The following ATXN1 variants were observed in gnomAD, a reference collection of about 807,000 sequenced individuals.
The protein encoded by ATXN1 is ataxin 1, also known as ataxin-1.
Under a neutral mutation model 56.4 loss-of-function variants are expected in ATXN1, and 8 were observed. The observed-to-expected ratio is 0.14, with a 90% confidence interval of 0.08 to 0.26. The LOEUF is 0.26. Ranked by LOEUF, ATXN1 falls within the 10% of genes least tolerant of loss-of-function variation. ATXN1 has a pLI of 1.00. For missense variants in ATXN1, 987 were observed against 1,106.5 expected, an observed-to-expected ratio of 0.89 and a Z score of 1.53; for synonymous variants, 514 against 494.6, an observed-to-expected ratio of 1.04 and a Z score of -0.52.
At chr6:16,729,759 T>C (rs1192669984) in intron 2 of ATXN1, among the ~76,000 whole-genome samples, 3 of 152,182 alleles carry the variant, frequency 2.0e-5, no homozygotes, top group Non-Finnish European at 2.9e-5. Flanking sequence ...TAATTATCTA[T>C]TGCAACGGTT....
At chr6:16,457,327 A>G (rs1581776305) in intron 6 of ATXN1, among the ~76,000 whole-genome samples, 2 of 151,892 alleles carry the variant, frequency 1.3e-5, no homozygotes, top group Admixed American at 6.6e-5. Context: ...TTTGGTGAGC[A>G]CAGCTATTCC....
intron 6 of ATXN1, among the ~76,000 whole-genome samples, chr6:16,333,753 G>T (rs1232101157): frequency 6.6e-6 from 1 of 152,192 alleles, no homozygotes; most frequent in Non-Finnish European, 1.5e-5. Flanking sequence ...GAGGACAGAG[G>T]TTACTTGGGC....
At chr6:16,612,195 G>T (rs946633564) in intron 3 of ATXN1, among the ~76,000 whole-genome samples, 3 of 152,030 alleles carry the variant, frequency 2.0e-5, no homozygotes, top group Admixed American at 6.6e-5. Context: ...AGAGAAGTAG[G>T]ATAAAATCAT....
chr6:16,690,218 G>T (rs1246763465), intron 2 of ATXN1, among the ~76,000 whole-genome samples: 1 of 152,026 alleles, frequency 6.6e-6, no homozygotes, highest in African/African-American at 2.4e-5. Context: ...ATCCAGTTGA[G>T]GTTTTTTAAA....
rs879854928 is a variant in ATXN1 at position 16,468,898 on chromosome 6, G to GA, written c.-161+17073dup. The stretch of plus-strand genomic sequence containing the variant: ...TCGATGCTTCTTCTGAATAGAAGCA[G>GA]AAAAAAAAAAAAGGTAGGACTGTGA... On this transcript the variant is annotated intron_variant, in intron 6 of 7. Transcript: ENST00000436367. 9.9e-4 allele frequency among the ~76,000 whole-genome samples: 138 copies of GA among 139,150 alleles called. No homozygotes were observed. The Middle Eastern group carries it at 0.011, about 11-fold the overall frequency. 91.3% of individuals were successfully genotyped at this position (139,150 alleles called of 152,430 possible).
At position 16,430,706 on chromosome 6, in the gene ATXN1, GGTGT is replaced by G. The variant is rs554132123; in HGVS notation, c.-161+55262_-161+55265del. 2.6e-3 allele frequency among the ~76,000 whole-genome samples: 388 copies of G among 149,574 alleles called. 2 individuals carry two copies. Among genetic ancestry groups the G allele is most frequent in the African/African-American group, 9.0e-3 (366 of 40,852 alleles). On this transcript the variant is annotated intron_variant, in intron 6 of 7. Transcript: ENST00000436367. ...TAGGGGTGCAGTGGCTGGTGCTGCTGGTGTGTGTGTGTGTGTGCGCGTGTGTGTG... is the reference window on the plus strand; with the variant it reads ...TAGGGGTGCAGTGGCTGGTGCTGCTGGTGTGTGTGTGTGCGCGTGTGTGTG...
intron 3 of ATXN1, among the ~76,000 whole-genome samples, chr6:16,626,054 T>C (rs944428683): frequency 2.0e-5 from 3 of 152,192 alleles, no homozygotes; most frequent in Non-Finnish European, 2.9e-5. Flanking sequence ...CCTTTCCTGA[T>C]AGACTGCAAC....
At chr6:16,488,501 C>T (rs1760595541) in intron 5 of ATXN1, among the ~76,000 whole-genome samples, 1 of 152,134 alleles carries the variant, frequency 6.6e-6, no homozygotes, top group South Asian at 2.1e-4. Flanking sequence ...CCACATGAGC[C>T]GCAAGCAAGG....
chr6:16,759,528 C>CCGTTTTTTT (rs1561842989), intron 1 of ATXN1, among the ~76,000 whole-genome samples: 1 of 64,472 alleles, frequency 1.6e-5, no homozygotes. Context: ...CTTCTTCCGA[C>CCGTTTTTTT]TGTTTTTTTT....
chr6:16,394,485 A>G (rs976851919), intron 6 of ATXN1, among the ~76,000 whole-genome samples: 6 of 152,156 alleles, frequency 3.9e-5, no homozygotes, highest in African/African-American at 1.4e-4. Flanking sequence ...CAATACATGT[A>G]TATATTGTGT....
At chr6:16,651,842 T>C (rs752020710) in intron 3 of ATXN1, 3 of 152,236 alleles carry the variant, frequency 2.0e-5, no homozygotes, top group African/African-American at 4.8e-5. Flanking sequence ...AGGGAAAGCA[T>C]GTGCGGTAAC....
chr6:16,362,413 T>G (rs987950339), intron 6 of ATXN1, among the ~76,000 whole-genome samples: 6 of 152,212 alleles, frequency 3.9e-5, no homozygotes, highest in Non-Finnish European at 5.9e-5. Flanking sequence ...TGTCGGCTTC[T>G]GAGCACTGTC....
intron 4 of ATXN1, among the ~76,000 whole-genome samples, chr6:16,562,483 G>GAGGAA (rs1204370764): frequency 1.2e-5 from 1 of 83,056 alleles, no homozygotes; most frequent in African/African-American, 3.2e-5. Flanking sequence ...GAGGAGAGGA[G>GAGGAA]AGGAAAGGAA....
In ATXN1 at chr6:16,306,296, G is replaced by C. The variant is rs775907686; in HGVS notation, c.*33C>G. The C allele has an allele frequency of 1.1e-5, 17 of 1,564,702 alleles. No homozygotes were observed. The East Asian group carries it at 3.8e-4, about 35-fold the overall frequency. ...CAGTAATCTGGATACAAATGATAAG[G>C]GAGAGCCACGTTTCCTTTCCCCCAC... On this transcript the variant is annotated 3_prime_UTR_variant, in exon 8 of 8. Transcript: ENST00000436367. The surrounding 1 kb of genome is among the most constrained non-coding windows in gnomAD (Gnocchi z 5.2).
At chr6:16,397,170 C>T (rs1420252355) in intron 6 of ATXN1, among the ~76,000 whole-genome samples, 2 of 152,188 alleles carry the variant, frequency 1.3e-5, no homozygotes, top group Non-Finnish European at 2.9e-5. Context: ...AAATTAGTCA[C>T]AGTGAGAGTA....
At position 16,496,804 on chromosome 6, in the gene ATXN1, C is replaced by T. The variant is rs149939494; in HGVS notation, c.-298-10695G>A. Among the ~76,000 whole-genome samples, 48 of 152,140 alleles carry T rather than the reference C, an allele frequency of 3.2e-4. No individual in the cohort carries two copies. The Middle Eastern group carries it at 0.01, about 32-fold the overall frequency. On this transcript the variant is annotated intron_variant, in intron 5 of 7. Coordinates refer to ENST00000436367, the MANE Select transcript of ATXN1 (RefSeq NM_001128164.2). ...AATATTTAAAACTCTTTAGAATTAG[C>T]ATCATCTATGTGTCACTTGGCTCTA... is the stretch of plus-strand genomic sequence containing the variant.
chr6:16,626,257 T>A (rs1225131035), intron 3 of ATXN1, among the ~76,000 whole-genome samples: 5 of 152,196 alleles, frequency 3.3e-5, no homozygotes, highest in African/African-American at 1.2e-4. Flanking sequence ...GTAACCAATA[T>A]AATCTAGTTT....
chr6:16,345,843 G>A (rs965269155), intron 6 of ATXN1, among the ~76,000 whole-genome samples: 2 of 152,120 alleles, frequency 1.3e-5, no homozygotes, highest in Non-Finnish European at 1.5e-5. Flanking sequence ...CAAAGCCAAT[G>A]GAACATTAAG....
At chr6:16,676,688 C>T (rs998023187) in intron 2 of ATXN1, among the ~76,000 whole-genome samples, 21 of 152,144 alleles carry the variant, frequency 1.4e-4, no homozygotes, top group African/African-American at 5.1e-4. Context: ...AATTGGGTTT[C>T]CTATCCTGAT....
Sources: gnomAD v4.1 joint callset for allele counts (sites outside exome capture counted in the v4.1 genomes callset) on GRCh38, gnomAD v4.1.1 for gene constraint, Gnocchi (gnomAD v3.1) non-coding constraint, MANE v1.5 for transcripts, NCBI Gene and HGNC (gene_info 2026-07-23, HGNC 2026-07-21) for gene names.